SGCD: variants seen among roughly 807,000 people sequenced by gnomAD.
SGCD encodes the protein delta-sarcoglycan.
A neutral mutation model predicts 36.6 loss-of-function variants in SGCD; 18 were observed. The observed-to-expected ratio is 0.49, with a 90% CI of 0.34 to 0.73. The LOEUF (loss-of-function observed/expected upper bound fraction) is 0.73, where lower values mean the gene tolerates loss of function less well. Ranked by LOEUF, SGCD falls within the 30% of genes least tolerant of loss-of-function variation. The pLI, the probability that SGCD is intolerant of heterozygous loss-of-function variation, is 0.01. For synonymous variants in SGCD, 133 were observed against 130.6 expected (o/e 1.02, Z -0.12); for missense variants, 387 against 346.7 (o/e 1.12, Z -0.92).
chr5:156,010,629 A>G (rs1159751493), intron 1 of SGCD, among the ~76,000 whole-genome samples: 1 of 152,210 alleles, frequency 6.6e-6, no homozygotes, highest in East Asian at 1.9e-4. Flanking sequence ...ATTACCACAT[A>G]GTAATTCGAC....
chr5:156,545,744 A>G (rs1758547787), intron 4 of SGCD, among the ~76,000 whole-genome samples: 1 of 152,018 alleles, frequency 6.6e-6, no homozygotes. Context: ...GGGGTTGGGA[A>G]CCCCTGATCT....
At chr5:155,860,946 A>G in the SGCD span, among the ~76,000 whole-genome samples, 1 of 152,224 alleles carries the variant, frequency 6.6e-6, no homozygotes, top group Admixed American at 6.5e-5. Flanking sequence ...TTGGCATATA[A>G]TAAATGAGTT....
chr5:156,669,881 A>C (rs984730598), intron 7 of SGCD, among the ~76,000 whole-genome samples: 1 of 152,094 alleles, frequency 6.6e-6, no homozygotes, highest in African/African-American at 2.4e-5. Context: ...AATCTTTTAA[A>C]TTTAAGTAGG....
chr5:156,583,995 A>C (rs974432512), intron 4 of SGCD, among the ~76,000 whole-genome samples: 1 of 152,216 alleles, frequency 6.6e-6, no homozygotes, highest in East Asian at 1.9e-4. Flanking sequence ...AAATATATAG[A>C]ATGAACTAGG....
chr5:156,092,546 C>T (rs1761270128), intron 1 of SGCD, among the ~76,000 whole-genome samples: 1 of 152,168 alleles, frequency 6.6e-6, no homozygotes. Context: ...TGAGGCAACA[C>T]CATCAAACAA....
intron 5 of SGCD, among the ~76,000 whole-genome samples, chr5:156,590,696 A>G (rs1403262739): frequency 1.3e-5 from 2 of 152,036 alleles, no homozygotes; most frequent in Non-Finnish European, 2.9e-5. Flanking sequence ...ATAAATCTGG[A>G]ACTGCCCAAA....
At chr5:156,568,445 C>T (rs1334191888) in intron 4 of SGCD, among the ~76,000 whole-genome samples, 1 of 152,000 alleles carries the variant, frequency 6.6e-6, no homozygotes, top group Non-Finnish European at 1.5e-5. Context: ...CCCTACTCTT[C>T]CCCCCATTGA....
chr5:156,082,270 C>CGGG (rs146395452), intron 1 of SGCD, among the ~76,000 whole-genome samples: 2 of 37,322 alleles, frequency 5.4e-5, no homozygotes, highest in Admixed American at 2.4e-4. Context: ...GGCTGGTGGG[C>CGGG]GGGGGGGTCC....
At chr5:156,289,358 C>T (rs1468998672) in intron 3 of SGCD, among the ~76,000 whole-genome samples, 2 of 151,904 alleles carry the variant, frequency 1.3e-5, no homozygotes, top group African/African-American at 4.8e-5. Context: ...AGGTTTGTTA[C>T]ATAGGTAAAT....
At chr5:156,754,547 G>A (rs369571441) in intron 7 of SGCD, among the ~76,000 whole-genome samples, 3 of 152,160 alleles carry the variant, frequency 2.0e-5, no homozygotes, top group Non-Finnish European at 2.9e-5. Flanking sequence ...ACAGAAAATA[G>A]GGGTAAAGAT....
intron 3 of SGCD, among the ~76,000 whole-genome samples, chr5:156,133,209 T>C (rs4704977): frequency 0.21 from 32,462 of 152,150 alleles, 3,947 homozygotes; most frequent in Non-Finnish European, 0.27. Flanking sequence ...TCTTTGAGCA[T>C]GTGTGACAAA....
intron 1 of SGCD, among the ~76,000 whole-genome samples, chr5:155,891,712 G>C (rs1756135557): frequency 2.0e-5 from 3 of 151,682 alleles, no homozygotes; most frequent in Admixed American, 2.0e-4. Flanking sequence ...CATTGAAGTT[G>C]GTGTCTGATG....
intron 3 of SGCD, among the ~76,000 whole-genome samples, chr5:156,429,408 T>A (rs1773829896): frequency 6.6e-6 from 1 of 151,964 alleles, no homozygotes; most frequent in South Asian, 2.1e-4. Context: ...AGTCCTTATG[T>A]CTTAAGTGAG....
intron 1 of SGCD, among the ~76,000 whole-genome samples, chr5:155,887,470 G>A (rs1033868105): frequency 6.6e-6 from 1 of 152,056 alleles, no homozygotes; most frequent in Non-Finnish European, 1.5e-5. Context: ...GCGCATCCTG[G>A]AACTTCTCTT....
intron 3 of SGCD, among the ~76,000 whole-genome samples, chr5:156,496,748 A>G (rs1303068569): frequency 6.6e-6 from 1 of 152,174 alleles, no homozygotes; most frequent in Non-Finnish European, 1.5e-5. Flanking sequence ...CAAACCAATC[A>G]TATGTAGGGA....
intron 3 of SGCD, among the ~76,000 whole-genome samples, chr5:156,487,583 T>G (rs931416437): frequency 1.3e-5 from 2 of 150,930 alleles, no homozygotes; most frequent in African/African-American, 4.9e-5. Flanking sequence ...AGGTCAGAAG[T>G]TCAAGACCAG....
intron 7 of SGCD, among the ~76,000 whole-genome samples, chr5:156,706,402 A>G (rs902020904): frequency 6.6e-6 from 1 of 152,062 alleles, no homozygotes; most frequent in Non-Finnish European, 1.5e-5. Context: ...ATTTTTGATC[A>G]TTGGTCTTTG....
intron 1 of SGCD, among the ~76,000 whole-genome samples, chr5:156,074,534 T>C (rs1176328377): frequency 1.3e-5 from 2 of 151,962 alleles, no homozygotes; most frequent in Admixed American, 6.6e-5. Flanking sequence ...ATATAAAAAT[T>C]AGCCGGGCGT....
intron 3 of SGCD, among the ~76,000 whole-genome samples, chr5:156,299,091 T>C (rs897013825): frequency 1.3e-5 from 2 of 152,250 alleles, no homozygotes; most frequent in African/African-American, 2.4e-5. Flanking sequence ...TGTAAGTCAC[T>C]AATCCATTTT....
Sources: allele counts gnomAD v4.1 joint callset (sites outside exome capture counted in the v4.1 genomes callset), GRCh38; gene constraint gnomAD v4.1.1; transcripts MANE v1.5; gene names NCBI Gene and HGNC (gene_info 2026-07-23, HGNC 2026-07-21).